NYNRIN: variants seen among roughly 807,000 people sequenced by gnomAD.
The protein encoded by NYNRIN is NYN domain and retroviral integrase containing.
NYNRIN carries 86 observed loss-of-function variants against 146.6 expected under a neutral mutation model. That is an observed-to-expected ratio of 0.59 (90% CI 0.49 to 0.70). The LOEUF (loss-of-function observed/expected upper bound fraction) is 0.70. Ranked by LOEUF, NYNRIN falls within the 30% of genes least tolerant of loss-of-function variation. NYNRIN has a pLI of 0.00. For missense variants in NYNRIN, 2,191 were observed against 2,377.7 expected (o/e 0.92, Z 1.63); for synonymous variants, 1,027 against 1,001.3 (o/e 1.03, Z -0.48).
intron 2 of NYNRIN, among the ~76,000 whole-genome samples, chr14:24,405,273 G>A (rs1362167826): frequency 6.6e-6 from 1 of 152,134 alleles, no homozygotes; most frequent in East Asian, 1.9e-4. Flanking sequence ...TTATGAGAAA[G>A]GAGAACCCTA....
chr14:24,417,072 G>T lies in NYNRIN; in HGVS notation c.5323G>T (p.Glu1775Ter). ...AAGGCTCACGGAGCCCCTGTGGTGG[G>T]AGATGAGCAGCGCAAACATTGAAGG... The part of the protein sequence containing the change: ...ESRLTEPLWW[E>*]MSSANIEGLK... Residue 1775 changes from glutamate to a stop codon, truncating the protein, a stop_gained, in exon 9 of 9, where the codon GAG becomes TAG. Coordinates refer to ENST00000382554, the MANE Select transcript of NYNRIN (RefSeq NM_025081.3). LOFTEE classifies it high-confidence loss of function. The T allele has an allele frequency of 3.7e-6, 6 of 1,613,200 alleles. No individual in the cohort carries two copies. The highest frequency in any genetic ancestry group is 2.2e-5 in the East Asian group (1 of 44,866).
In NYNRIN at chr14:24,415,236, G is replaced by T; in HGVS notation, c.3487G>T (p.Glu1163Ter). The T allele has an allele frequency of 6.2e-7, 1 of 1,613,386 alleles. No homozygotes were observed. The highest frequency in any genetic ancestry group is 1.1e-5 in the South Asian group (1 of 91,080). Residue 1163 changes from glutamate (E) to a stop codon, truncating the protein, a stop_gained, in exon 9 of 9, where the codon GAG becomes TAG. Coordinates refer to ENST00000382554, the MANE Select transcript of NYNRIN (RefSeq NM_025081.3). LOFTEE classifies it high-confidence loss of function. Reference sequence around the variant, plus strand: ...CAACTCCCAGCTGCCCTTCCGCCTGGAGGTGACCGTGAGCCACGTGGCCCT... The same window carrying T: ...CAACTCCCAGCTGCCCTTCCGCCTGTAGGTGACCGTGAGCCACGTGGCCCT... ...APNSQLPFRL[E>*]VTVSHVALTA... is the part of the protein sequence containing the mutation.
In NYNRIN at chr14:24,416,677, C is replaced by A. The variant is rs757731670; in HGVS notation, c.4928C>A (p.Thr1643Asn). The change falls in exon 9 of 9, where the codon ACC (threonine) becomes AAC (asparagine). Residue 1643 changes from threonine (T) to asparagine (N), a missense_variant. Thr to Asn is a moderately conservative substitution (Grantham distance 65, BLOSUM62 0). Coordinates refer to ENST00000382554, the MANE Select transcript of NYNRIN (RefSeq NM_025081.3). ...GTACTTATTGTGGCTGACCCAAACA[C>A]CAGGTGGGTGGAGGCATTCCCCCTG... The part of the protein sequence containing the change: ...KHVLIVADPN[T>N]RWVEAFPLKP... 6.2e-7 allele frequency: 1 copy of A among 1,613,914 alleles called. No homozygotes were observed. The highest frequency in any genetic ancestry group is 2.2e-5 in the East Asian group (1 of 44,888).
In NYNRIN at chr14:24,417,036, G is replaced by C; in HGVS notation, c.5287G>C (p.Gly1763Arg). 4 of 1,609,822 alleles carry C rather than the reference G, an allele frequency of 2.5e-6. No homozygotes were observed. The South Asian group carries it at 3.3e-5, about 13-fold the overall frequency. ...TDATPFKVLT[G>R]GESRLTEPLW... ...TGCCACACCGTTCAAGGTCCTGACC[G>C]GGGGTGAGTCAAGGCTCACGGAGCC... Residue 1763 changes from glycine to arginine, a missense_variant, in exon 9 of 9, where the codon GGG becomes CGG. This residue lies in a region of NYNRIN where 1,291 missense variants were observed against 1,417.0 expected (regional missense o/e 0.91). Coordinates refer to ENST00000382554, the MANE Select transcript of NYNRIN (RefSeq NM_025081.3).
At position 24,409,650 on chromosome 14, in the gene NYNRIN, C is replaced by T. The variant is rs1391194816; in HGVS notation, c.1856C>T (p.Pro619Leu). The change falls in exon 4 of 9, where the codon CCC (proline) becomes CTC (leucine). Residue 619 changes from proline to leucine, a missense_variant. Pro to Leu is a moderately conservative substitution (Grantham distance 98, BLOSUM62 -3). This residue lies in a region of NYNRIN where 895 missense variants were observed against 941.2 expected (regional missense o/e 0.95). Transcript: ENST00000382554. ...NQPVLVAQVEPTTPKTPQAQK... is the reference protein window; with the variant it reads ...NQPVLVAQVELTTPKTPQAQK... ...CCAGTGTTGGTAGCTCAAGTGGAAC[C>T]CACAACTCCAAAAACTCCCCAGGCT... is the stretch of plus-strand genomic sequence containing the variant. The T allele has an allele frequency of 3.1e-6, 5 of 1,606,860 alleles. No individual in the cohort carries two copies. The highest frequency in any genetic ancestry group is 4.2e-6 in the Non-Finnish European group (5 of 1,176,624).
At chr14:24,403,887 A>G (rs1163842646) in intron 2 of NYNRIN, among the ~76,000 whole-genome samples, 1 of 152,186 alleles carries the variant, frequency 6.6e-6, no homozygotes, top group African/African-American at 2.4e-5. Flanking sequence ...ATAAAAGGAA[A>G]ATTATTTTCC....
rs989294983 is a variant in NYNRIN at position 24,415,070 on chromosome 14, C to T, written c.3321C>T (p.Ala1107=). The T allele has an allele frequency of 2.5e-6, 4 of 1,612,572 alleles. No individual in the cohort carries two copies. The highest frequency in any genetic ancestry group is 2.7e-5 in the African/African-American group (2 of 75,010). The change falls in exon 9 of 9, where the codon GCC becomes GCT. Residue 1107 remains alanine (A), a synonymous_variant. Transcript: ENST00000382554. ...GCTTCATGGACTCCCACAGGGATGC[C>T]ATCCCTGACTATGAAGCCCTAGTGG... The part of the protein sequence containing the change: ...FMGFMDSHRD[A]IPDYEALVGP...
In NYNRIN at chr14:24,414,792, G is replaced by A. The variant is rs1566487207; in HGVS notation, c.3043G>A (p.Glu1015Lys). 6.8e-6 allele frequency: 11 copies of A among 1,613,726 alleles called. No individual in the cohort carries two copies. The highest frequency in any genetic ancestry group is 9.3e-6 in the Non-Finnish European group (11 of 1,179,840). Residue 1015 changes from glutamate (E) to lysine (K), a missense_variant, in exon 9 of 9, where the codon GAG becomes AAG. Around this residue, in one of 3 missense-constraint regions of NYNRIN, gnomAD observed 1,291 missense variants for 1,417.0 expected, o/e 0.91. Coordinates refer to ENST00000382554, the MANE Select transcript of NYNRIN (RefSeq NM_025081.3). ...RQGQGTQKAA[E>K]EDDLDSSLAS... ...GGGGCAGGGCACACAGAAGGCGGCTGAGGAGGACGACCTTGACTCTTCGCT... is the reference window on the plus strand; with the variant it reads ...GGGGCAGGGCACACAGAAGGCGGCTAAGGAGGACGACCTTGACTCTTCGCT...
chr14:24,414,658 G>A lies in NYNRIN; in HGVS notation c.2909G>A (p.Ser970Asn). The A allele has an allele frequency of 1.9e-6, 3 of 1,613,782 alleles. No homozygotes were observed. The highest frequency in any genetic ancestry group is 2.5e-6 in the Non-Finnish European group (3 of 1,179,774). ...AAGACCCTTCCTCCCAGCTCAGCCA[G>A]TGTCACTGAGCTGAGTGATGACGCT... is the stretch of plus-strand genomic sequence containing the variant. ...VWKTLPPSSA[S>N]VTELSDDADS... The change falls in exon 9 of 9, where the codon AGT becomes AAT. Residue 970 changes from serine (S) to asparagine (N), a missense_variant. By Grantham distance (46) the Ser-to-Asn change is conservative (BLOSUM62 1). Coordinates refer to ENST00000382554, the MANE Select transcript of NYNRIN (RefSeq NM_025081.3).
At chr14:24,404,388 G>A (rs749273755) in intron 2 of NYNRIN, among the ~76,000 whole-genome samples, 39 of 152,110 alleles carry the variant, frequency 2.6e-4, no homozygotes, top group Admixed American at 2.2e-3. Context: ...AATTTGAAAC[G>A]TATGTATTCT....
chr14:24,406,034 C>T (rs1186063277), intron 2 of NYNRIN, among the ~76,000 whole-genome samples: 1 of 151,302 alleles, frequency 6.6e-6, no homozygotes, highest in Non-Finnish European at 1.5e-5. Flanking sequence ...TGGTGGTGCA[C>T]ATCTGTAATC....
chr14:24,414,075 G>C (rs1489444596), intron 8 of NYNRIN, among the ~76,000 whole-genome samples: 1 of 152,214 alleles, frequency 6.6e-6, no homozygotes, highest in Non-Finnish European at 1.5e-5. Context: ...CCACCTGCCA[G>C]TTCCCTAGGC....
At position 24,408,194 on chromosome 14, in the gene NYNRIN, C is replaced by G; in HGVS notation, c.524C>G (p.Ala175Gly). 1 of 1,600,896 alleles carries G rather than the reference C, an allele frequency of 6.2e-7. No homozygotes were observed. Among genetic ancestry groups the G allele is most frequent in the Non-Finnish European group, 8.5e-7 (1 of 1,176,796 alleles). Residue 175 changes from alanine (A) to glycine (G), a missense_variant, in exon 3 of 9, where the codon GCA becomes GGA. Physicochemically the swap from Ala to Gly is moderately conservative, Grantham distance 60. Around this residue, in one of 3 missense-constraint regions of NYNRIN, gnomAD observed 895 missense variants for 941.2 expected, o/e 0.95. Coordinates refer to ENST00000382554, the MANE Select transcript of NYNRIN (RefSeq NM_025081.3). ...ALVWIRGDQH[A>G]GDLLQLPPAV... ...GTCTGGATCCGTGGTGACCAGCATG[C>G]AGGGGACCTACTGCAGCTGCCCCCA...
Position 24,411,552 on chromosome 14 carries a change from A to T in NYNRIN, c.2642+102A>T. The T allele has an allele frequency of 2.0e-6, 2 of 999,982 alleles. No homozygotes were observed. The highest frequency in any genetic ancestry group is 3.1e-6 in the Non-Finnish European group (2 of 640,888). The allele number at this position is 999,982 out of a possible 1,614,324, so 61.9% of individuals were successfully genotyped here. A position where few individuals can be genotyped will look rare whatever the true frequency, so the allele number is the denominator to read the frequency against. ...GTCTTCTCTGGGGAAATGGAGGCAA[A>T]CATGTTGGGGGTGTCGGTTGTGCAG... On this transcript the variant is annotated intron_variant, in intron 6 of 8. Coordinates refer to ENST00000382554, the MANE Select transcript of NYNRIN (RefSeq NM_025081.3). This position sits in a 1 kb window ranked among gnomAD's most constrained non-coding sequence, Gnocchi z 4.3.
In NYNRIN at chr14:24,411,951, C is replaced by G. The variant is rs1272687229; in HGVS notation, c.2642+501C>G. Among the ~76,000 whole-genome samples, 1 of 152,172 alleles carries G rather than the reference C, an allele frequency of 6.6e-6. No individual in the cohort carries two copies. Among genetic ancestry groups the G allele is most frequent in the Non-Finnish European group, 1.5e-5 (1 of 68,038 alleles). ...TGCTTGTCAATCCTAAGCGCCCACCCCTCAGCATGGCTGCAGGACCTCTGT... is the reference window on the plus strand; with the variant it reads ...TGCTTGTCAATCCTAAGCGCCCACCGCTCAGCATGGCTGCAGGACCTCTGT... On this transcript the variant is annotated intron_variant, in intron 6 of 8. Coordinates refer to ENST00000382554, the MANE Select transcript of NYNRIN (RefSeq NM_025081.3). The surrounding 1 kb of genome is among the most constrained non-coding windows in gnomAD (Gnocchi z 4.3).
rs765724354 is a variant in NYNRIN, at chr14:24,409,813, A to C, written c.2019A>C (p.Arg673Ser). The change falls in exon 4 of 9, where the codon AGA becomes AGC. Residue 673 changes from arginine (R) to serine (S), a missense_variant. Transcript: ENST00000382554. Reference protein sequence around the residue: ...PAAPKVPVTPRVSRAPKTPAA... With the variant: ...PAAPKVPVTPSVSRAPKTPAA... ...CTCCCAAAGTACCTGTGACCCCCAG[A>C]GTCTCCAGAGCTCCCAAAACACCTG... 1.2e-6 allele frequency: 2 copies of C among 1,613,302 alleles called. No individual in the cohort carries two copies. Among genetic ancestry groups the C allele is most frequent in the Non-Finnish European group, 1.7e-6 (2 of 1,179,652 alleles).
Position 24,416,814 on chromosome 14 carries a change from G to T in NYNRIN, c.5065G>T (p.Val1689Phe). 1 of 1,611,946 alleles carries T rather than the reference G, an allele frequency of 6.2e-7. No homozygotes were observed. Among genetic ancestry groups the T allele is most frequent in the Non-Finnish European group, 8.5e-7 (1 of 1,178,782 alleles). The change falls in exon 9 of 9, where the codon GTC becomes TTC. Residue 1689 changes from valine to phenylalanine, a missense_variant. Physicochemically the swap from Val to Phe is conservative, Grantham distance 50. Transcript: ENST00000382554. ...CCAGGGGCCCCAGTTTGCCCGGCAC[G>T]TCCTTGTGAGCTGTGGGCTGGCCCT... ...AAQGPQFARH[V>F]LVSCGLALGA... is the part of the protein sequence containing the mutation.
In NYNRIN at chr14:24,414,807, G is replaced by T. The variant is rs763821704; in HGVS notation, c.3058G>T (p.Asp1020Tyr). 1.1e-5 allele frequency: 18 copies of T among 1,613,768 alleles called. No individual in the cohort carries two copies. The highest frequency in any genetic ancestry group is 1.4e-5 in the Non-Finnish European group (16 of 1,179,796). Reference sequence around the variant, plus strand: ...GAAGGCGGCTGAGGAGGACGACCTTGACTCTTCGCTGGCGTCAGTGTTCAG... The same window carrying T: ...GAAGGCGGCTGAGGAGGACGACCTTTACTCTTCGCTGGCGTCAGTGTTCAG... ...TQKAAEEDDL[D>Y]SSLASVFRVE... The change falls in exon 9 of 9, where the codon GAC becomes TAC. Residue 1020 changes from aspartate to tyrosine, a missense_variant. Asp to Tyr is a radical substitution (Grantham distance 160). Transcript: ENST00000382554.
Position 24,411,462 on chromosome 14 carries a change from C to A in NYNRIN, c.2642+12C>A, listed in dbSNP as rs780154852. 8 of 1,609,716 alleles carry A rather than the reference C, an allele frequency of 5.0e-6. No individual in the cohort carries two copies. In the South Asian group the frequency reaches 8.8e-5, roughly 18 times the overall value. ...ACCTACGATTATAGGTGTGCCGGTC[C>A]CCAGGCCTGCCCTCCTGGGCTCAGG... On this transcript the variant is annotated intron_variant, in intron 6 of 8. Coordinates refer to ENST00000382554, the MANE Select transcript of NYNRIN (RefSeq NM_025081.3). The surrounding 1 kb of genome is among the most constrained non-coding windows in gnomAD (Gnocchi z 4.3).
Sources: gnomAD v4.1 joint callset for allele counts (sites outside exome capture counted in the v4.1 genomes callset) on GRCh38, gnomAD v4.1.1 for gene constraint, gnomAD v4.1.1 regional missense constraint, Gnocchi (gnomAD v3.1) non-coding constraint, MANE v1.5 for transcripts, NCBI Gene and HGNC (gene_info 2026-07-23, HGNC 2026-07-21) for gene names.